MAP3K7CL: variants seen among roughly 807,000 people sequenced by gnomAD.
MAP3K7CL encodes the protein MAP3K7 C-terminal-like protein.
MAP3K7CL carries 16 observed loss-of-function variants against 18.6 expected under a neutral mutation model. The observed-to-expected ratio is 0.86, with a 90% CI of 0.58 to 1.31. The LOEUF is 1.31. Among genes scored for constraint, MAP3K7CL ranks in the 50% most tolerant of loss-of-function variants. The pLI is 0.00. For missense variants in MAP3K7CL, 163 were observed against 174.4 expected, an observed-to-expected ratio of 0.93 and a Z score of 0.37; for synonymous variants, 65 against 66.8, an observed-to-expected ratio of 0.97 and a Z score of 0.13.
chr21:29,160,098 A>G (rs760524864), intron 4 of MAP3K7CL, 42 bp downstream of exon 4: 1 of 1,530,828 alleles, frequency 6.5e-7, no homozygotes, highest in East Asian at 2.3e-5. Context: ...AGCACTGCCT[A>G]CTGGGCAAGG....
intron 3 of MAP3K7CL, among the ~76,000 whole-genome samples, chr21:29,150,233 T>A (rs1461806870): frequency 5.9e-5 from 9 of 152,208 alleles, no homozygotes. Flanking sequence ...GAACCAAGAA[T>A]GAGCCCTTCC....
intron 4 of MAP3K7CL, among the ~76,000 whole-genome samples, chr21:29,173,548 C>T (rs1027445639): frequency 3.9e-5 from 6 of 152,090 alleles, no homozygotes; most frequent in African/African-American, 1.4e-4. Flanking sequence ...CTGTTTTTTG[C>T]CCTACAGAGG....
intron 2 of MAP3K7CL, among the ~76,000 whole-genome samples, chr21:29,137,240 T>C (rs1368632540): frequency 6.6e-6 from 1 of 152,226 alleles, no homozygotes; most frequent in Non-Finnish European, 1.5e-5. Context: ...CCTGCAGTTA[T>C]TTAGGGACTA....
chr21:29,140,309 A>G (rs889177490), intron 2 of MAP3K7CL, among the ~76,000 whole-genome samples: 3 of 152,180 alleles, frequency 2.0e-5, no homozygotes, highest in Admixed American at 6.5e-5. Context: ...ATTGGTTGGA[A>G]TGTATTACTT....
intron 4 of MAP3K7CL, among the ~76,000 whole-genome samples, chr21:29,098,740 A>G (rs2086167486): frequency 6.6e-6 from 1 of 152,224 alleles, no homozygotes; most frequent in Admixed American, 6.5e-5. Flanking sequence ...TAAACAGCCA[A>G]GTCCTAAGCT....
At chr21:29,132,383 G>C (rs2086795647) in intron 1 of MAP3K7CL, among the ~76,000 whole-genome samples, 2 of 152,068 alleles carry the variant, frequency 1.3e-5, no homozygotes, top group Admixed American at 1.3e-4. Flanking sequence ...TCTTGTCTTT[G>C]CTTTTATAGA....
chr21:29,168,475 A>G (rs1390299709), intron 4 of MAP3K7CL, among the ~76,000 whole-genome samples: 1 of 152,190 alleles, frequency 6.6e-6, no homozygotes, highest in East Asian at 1.9e-4. Flanking sequence ...GATGTAGCCA[A>G]AGGTATTCTT....
At chr21:29,173,232 T>G (rs955723316) in intron 4 of MAP3K7CL, among the ~76,000 whole-genome samples, 3 of 152,214 alleles carry the variant, frequency 2.0e-5, no homozygotes, top group Non-Finnish European at 4.4e-5. Flanking sequence ...TGGGTACAAC[T>G]TCTGTGAATG....
At chr21:29,167,693 A>ATTTTTTTTTTTT (rs35549023) in intron 4 of MAP3K7CL, among the ~76,000 whole-genome samples, 1 of 107,522 alleles carries the variant, frequency 9.3e-6, no homozygotes, top group African/African-American at 4.1e-5. Context: ...AGAAGGACCA[A>ATTTTTTTTTTTT]TTTTTTTTTT....
At chr21:29,126,110 C>T (rs1278173362), upstream of MAP3K7CL, among the ~76,000 whole-genome samples, 1 of 152,156 alleles carries the variant, frequency 6.6e-6, no homozygotes, top group Non-Finnish European at 1.5e-5. Context: ...GTTACTTCTC[C>T]CAGAGGACTC....
At chr21:29,092,411 C>T in intron 3 of MAP3K7CL, 1 of 1,612,646 alleles carries the variant, frequency 6.2e-7, no homozygotes, top group Non-Finnish European at 8.5e-7. Context: ...CTCATCATGA[C>T]TTTGATTTGG....
intron 4 of MAP3K7CL, among the ~76,000 whole-genome samples, chr21:29,111,364 C>T (rs2086417697): frequency 6.6e-6 from 1 of 152,188 alleles, no homozygotes; most frequent in South Asian, 2.1e-4. Flanking sequence ...AGCTAAGAGG[C>T]TGGCTGGTGT....
intron 4 of MAP3K7CL, among the ~76,000 whole-genome samples, chr21:29,120,021 T>C (rs987829988): frequency 6.6e-6 from 1 of 152,202 alleles, no homozygotes; most frequent in African/African-American, 2.4e-5. Context: ...AGGTTGGAAA[T>C]AATTTTTCCT....
At chr21:29,152,660 G>A (rs190558979) in intron 3 of MAP3K7CL, among the ~76,000 whole-genome samples, 7 of 152,220 alleles carry the variant, frequency 4.6e-5, no homozygotes, top group Admixed American at 2.0e-4. Context: ...AAATCCCACC[G>A]AAGCCACTGA....
chr21:29,081,396 C>G (rs2085832034), upstream of MAP3K7CL, among the ~76,000 whole-genome samples: 1 of 152,076 alleles, frequency 6.6e-6, no homozygotes, highest in African/African-American at 2.4e-5. Context: ...AAAAAAAATA[C>G]AAAAAAATTA....
intron 2 of MAP3K7CL, among the ~76,000 whole-genome samples, chr21:29,147,915 G>T (rs1017582633): frequency 3.3e-5 from 5 of 151,370 alleles, no homozygotes; most frequent in Non-Finnish European, 7.4e-5. Flanking sequence ...TATTGTATAT[G>T]TATGTGTACT....
Position 29,134,979 on chromosome 21 carries a change from A to G in MAP3K7CL, c.70+1565A>G, listed in dbSNP as rs1399507213. 7.3e-5 allele frequency among the ~76,000 whole-genome samples: 11 copies of G among 149,664 alleles called. No homozygotes were observed. The Admixed American group carries it at 7.5e-4, about 10-fold the overall frequency. ...GGCAGGAGAATGGTGTGAACCTGGG[A>G]GGTGGAGCTTGCAGTGAGCCGAGAT... On this transcript the variant is annotated intron_variant, in intron 2 of 4. Transcript: ENST00000399928.
intron 2 of MAP3K7CL, among the ~76,000 whole-genome samples, chr21:29,148,617 G>C (rs574535149): frequency 3.9e-5 from 6 of 152,180 alleles, no homozygotes; most frequent in Non-Finnish European, 5.9e-5. Context: ...TGCAGGGTAG[G>C]AGTGCTGCCT....
chr21:29,111,272 AAACAAC>A (rs148218950), intron 4 of MAP3K7CL, among the ~76,000 whole-genome samples: 6 of 151,248 alleles, frequency 4.0e-5, no homozygotes, highest in African/African-American at 1.5e-4. Flanking sequence ...AGAAAAAACA[AAACAAC>A]AACAACAACA....
Sources: allele counts gnomAD v4.1 joint callset (sites outside exome capture counted in the v4.1 genomes callset), GRCh38; gene constraint gnomAD v4.1.1; transcripts MANE v1.5; gene names NCBI Gene and HGNC (gene_info 2026-07-23, HGNC 2026-07-21).